CNTNAP5: variants seen among roughly 807,000 people sequenced by gnomAD.
The protein encoded by CNTNAP5 is contactin associated protein family member 5.
Under a neutral mutation model 150.2 loss-of-function variants are expected in CNTNAP5, and 72 were observed. The observed-to-expected ratio is 0.48, with a 90% CI of 0.40 to 0.58. The LOEUF is 0.58. CNTNAP5 is among the 20% of genes least tolerant of loss of function. The pLI, the probability that CNTNAP5 is intolerant of heterozygous loss-of-function variation, is 0.00. For synonymous variants in CNTNAP5, 672 were observed against 619.8 expected, an observed-to-expected ratio of 1.08 and a Z score of -1.25; for missense variants, 1,636 against 1,626.2, an observed-to-expected ratio of 1.01 and a Z score of -0.10.
At chr2:124,485,631 A>AAGAAGAAG (rs1553472350) in intron 7 of CNTNAP5, among the ~76,000 whole-genome samples, 3 of 134,202 alleles carry the variant, frequency 2.2e-5, no homozygotes, top group African/African-American at 9.4e-5. Flanking sequence ...AAAAAAAAAA[A>AAGAAGAAG]AAAGAAGAAG....
At chr2:124,828,852 T>C (rs115891192) in intron 19 of CNTNAP5, among the ~76,000 whole-genome samples, 1 of 143,222 alleles carries the variant, frequency 7.0e-6, no homozygotes, top group Non-Finnish European at 1.5e-5. Flanking sequence ...AGCCCCAGAG[T>C]GGTCCTTCAG....
At chr2:124,802,426 C>T (rs1681989779) in intron 19 of CNTNAP5, among the ~76,000 whole-genome samples, 2 of 152,136 alleles carry the variant, frequency 1.3e-5, no homozygotes, top group African/African-American at 4.8e-5. Context: ...AAAACAGGTA[C>T]TTCTTCCTAA....
chr2:124,126,243 G>A (rs1683695318), intron 1 of CNTNAP5, among the ~76,000 whole-genome samples: 1 of 152,180 alleles, frequency 6.6e-6, no homozygotes, highest in Admixed American at 6.5e-5. Context: ...TATCACCACT[G>A]ATCCCACAGA....
chr2:124,277,257 G>T (rs894266743), intron 3 of CNTNAP5, among the ~76,000 whole-genome samples: 2 of 152,270 alleles, frequency 1.3e-5, no homozygotes, highest in South Asian at 4.1e-4. Flanking sequence ...CTTGGCCTCA[G>T]CATATCCTCC....
intron 1 of CNTNAP5, among the ~76,000 whole-genome samples, chr2:124,101,608 A>C (rs1453733820): frequency 6.6e-6 from 1 of 152,222 alleles, no homozygotes; most frequent in African/African-American, 2.4e-5. Context: ...AGAGGTAGGC[A>C]GTAAAGAGCA....
intron 3 of CNTNAP5, among the ~76,000 whole-genome samples, chr2:124,360,140 TTGTTTTCCATTTGC>T (rs1360430185): frequency 8.8e-5 from 13 of 147,542 alleles, no homozygotes; most frequent in African/African-American, 3.2e-4. Flanking sequence ...CTGCCTTTTT[TTGTTTTCCATTTGC>T]TTGGTAGATC....
At position 124,916,728 on chromosome 2, in the gene CNTNAP5, A is replaced by C. The variant is rs1678776766; in HGVS notation, c.*2440A>C. The stretch of plus-strand genomic sequence containing the variant: ...TCTATCCTGACCACAATGGCACTAC[A>C]AAATCAACTGGCATCTTCCTCACGT... On this transcript the variant is annotated 3_prime_UTR_variant, in exon 24 of 24. Transcript: ENST00000682447. Among the ~76,000 whole-genome samples the C allele has an allele frequency of 6.6e-6, 1 of 152,094 alleles. No homozygotes were observed. Among genetic ancestry groups the C allele is most frequent in the African/African-American group, 2.4e-5 (1 of 41,448 alleles).
intron 3 of CNTNAP5, among the ~76,000 whole-genome samples, chr2:124,299,513 T>A (rs1002054440): frequency 6.6e-6 from 1 of 152,242 alleles, no homozygotes; most frequent in Non-Finnish European, 1.5e-5. Flanking sequence ...GCAAAGGACA[T>A]GATCTCATTC....
intron 13 of CNTNAP5, among the ~76,000 whole-genome samples, chr2:124,742,705 G>T (rs1426889109): frequency 1.3e-5 from 2 of 151,614 alleles, no homozygotes; most frequent in African/African-American, 4.9e-5. Flanking sequence ...TATGCATGAG[G>T]TCATATGACA....
intron 1 of CNTNAP5, among the ~76,000 whole-genome samples, chr2:124,202,191 A>G (rs1685742499): frequency 6.6e-6 from 1 of 152,158 alleles, no homozygotes; most frequent in Non-Finnish European, 1.5e-5. Context: ...AAGGTGAAAG[A>G]ATGTACTCTA....
chr2:124,841,674 A>G lies in CNTNAP5; in HGVS notation c.3218-23632A>G, dbSNP rs543320232. Among the ~76,000 whole-genome samples, 9 of 152,040 alleles carry G rather than the reference A, an allele frequency of 5.9e-5. No individual in the cohort carries two copies. The South Asian group carries it at 1.9e-3, about 32-fold the overall frequency. The stretch of plus-strand genomic sequence containing the variant: ...TCACTAGATTTGAGTGTCATGGGAG[A>G]AAGTCTGTGTCTCCTTCTGTAGCCA... On this transcript the variant is annotated intron_variant, in intron 19 of 23. Transcript: ENST00000682447.
At chr2:124,489,516 G>T (rs1453618598) in intron 7 of CNTNAP5, among the ~76,000 whole-genome samples, 2 of 152,152 alleles carry the variant, frequency 1.3e-5, no homozygotes, top group African/African-American at 4.8e-5. Flanking sequence ...CTGAGGTACT[G>T]GGGGCTGGGC....
At chr2:124,120,878 T>C (rs1683544013) in intron 1 of CNTNAP5, among the ~76,000 whole-genome samples, 1 of 152,176 alleles carries the variant, frequency 6.6e-6, no homozygotes, top group South Asian at 2.1e-4. Flanking sequence ...TGAGTCTTGG[T>C]TCAAAAGATG....
At chr2:124,299,204 G>C (rs1688512951) in intron 3 of CNTNAP5, among the ~76,000 whole-genome samples, 1 of 152,154 alleles carries the variant, frequency 6.6e-6, no homozygotes, top group African/African-American at 2.4e-5. Flanking sequence ...TGCAATTGGT[G>C]CATATTTTTG....
At chr2:124,848,667 C>G (rs1683097868) in intron 19 of CNTNAP5, among the ~76,000 whole-genome samples, 1 of 152,088 alleles carries the variant, frequency 6.6e-6, no homozygotes, top group Admixed American at 6.6e-5. Flanking sequence ...CACTTGCTAC[C>G]TATTGTCTTT....
intron 19 of CNTNAP5, among the ~76,000 whole-genome samples, chr2:124,857,033 C>T (rs1200842839): frequency 7.2e-5 from 11 of 152,224 alleles, no homozygotes; most frequent in Non-Finnish European, 2.9e-5. Context: ...GACCAAATCC[C>T]AGTAGGCTGA....
intron 3 of CNTNAP5, among the ~76,000 whole-genome samples, chr2:124,260,004 T>C (rs1687411024): frequency 6.6e-6 from 1 of 152,094 alleles, no homozygotes; most frequent in Non-Finnish European, 1.5e-5. Context: ...TTCACGGAAT[T>C]GGAAAAAAAC....
intron 3 of CNTNAP5, among the ~76,000 whole-genome samples, chr2:124,355,852 A>G (rs1033281580): frequency 6.6e-6 from 1 of 152,204 alleles, no homozygotes; most frequent in African/African-American, 2.4e-5. Context: ...GGCCATTTCT[A>G]TGGTTAGAAA....
intron 1 of CNTNAP5, among the ~76,000 whole-genome samples, chr2:124,114,259 A>ATCTC: frequency 6.6e-6 from 1 of 152,032 alleles, no homozygotes; most frequent in East Asian, 1.9e-4. Flanking sequence ...AAACTGGTCC[A>ATCTC]TCTCTCTCTT....
Sources: gnomAD v4.1 joint callset for allele counts (sites outside exome capture counted in the v4.1 genomes callset) on GRCh38, gnomAD v4.1.1 for gene constraint, MANE v1.5 for transcripts, NCBI Gene and HGNC (gene_info 2026-07-23, HGNC 2026-07-21) for gene names.